MAGI1: variants seen among roughly 807,000 people sequenced by gnomAD.
MAGI1 encodes membrane associated guanylate kinase, WW and PDZ domain containing 1, also known as membrane-associated guanylate kinase, WW and PDZ domain-containing protein 1.
In MAGI1, 58 loss-of-function variants were observed where a neutral mutation model predicts 139.9. The observed-to-expected ratio is 0.41, with a 90% CI of 0.34 to 0.52. The LOEUF is 0.52. Ranked by LOEUF, MAGI1 falls within the 20% of genes least tolerant of loss-of-function variation. The probability of loss-of-function intolerance (pLI) is 0.12; values close to 1 mark genes in which losing one functional copy is unlikely to be tolerated. For synonymous variants in MAGI1, 812 were observed against 737.9 expected (o/e 1.10, Z -1.63); for missense variants, 1,874 against 1,901.6 (o/e 0.99, Z 0.27).
At chr3:65,573,874 AG>A (rs1367944263) in intron 2 of MAGI1, among the ~76,000 whole-genome samples, 1 of 152,122 alleles carries the variant, frequency 6.6e-6, no homozygotes, top group Non-Finnish European at 1.5e-5. Context: ...AAGTTTCATA[AG>A]AACACAGTCA....
chr3:65,744,571 T>C lies in MAGI1; in HGVS notation c.314-122483A>G, dbSNP rs575832287. 8.7e-4 allele frequency among the ~76,000 whole-genome samples: 132 copies of C among 152,338 alleles called. 3 individuals carry two copies. The South Asian group carries it at 0.018, about 20-fold the overall frequency. ...CAAAGGTTCCAATCGTATGGAAACA[T>C]GCTTAAGAAAGAAGACTGAATTAAA... is the stretch of plus-strand genomic sequence containing the variant. On this transcript the variant is annotated intron_variant, in intron 1 of 22. Coordinates refer to ENST00000402939, the MANE Select transcript of MAGI1 (RefSeq NM_001033057.2).
intron 1 of MAGI1, among the ~76,000 whole-genome samples, chr3:65,897,060 A>G (rs2060998687): frequency 1.3e-5 from 2 of 152,208 alleles, no homozygotes; most frequent in Admixed American, 1.3e-4. Context: ...AGTTTAAATC[A>G]TCTCTAGATT....
At position 65,659,251 on chromosome 3, in the gene MAGI1, G is replaced by C. The variant is rs535405628; in HGVS notation, c.314-37163C>G. 2.6e-5 allele frequency among the ~76,000 whole-genome samples: 4 copies of C among 152,196 alleles called. No homozygotes were observed. The South Asian group carries it at 8.3e-4, about 32-fold the overall frequency. On this transcript the variant is annotated intron_variant, in intron 1 of 22. Transcript: ENST00000402939. ...ATGAAAATGAGGCAGGAATAAAACA[G>C]GGTGATCACAGGAGAATGGAAAATT...
chr3:65,500,184 T>C (rs968260774), intron 2 of MAGI1, among the ~76,000 whole-genome samples: 1 of 152,170 alleles, frequency 6.6e-6, no homozygotes, highest in African/African-American at 2.4e-5. Context: ...TTTGAGAAAG[T>C]GGTACTATTT....
intron 1 of MAGI1, among the ~76,000 whole-genome samples, chr3:65,850,311 G>A (rs2059157964): frequency 6.6e-6 from 1 of 152,114 alleles, no homozygotes; most frequent in African/African-American, 2.4e-5. Context: ...ACCACTTTTA[G>A]TATGGAAAAA....
chr3:65,493,301 C>T (rs923988674), intron 3 of MAGI1, among the ~76,000 whole-genome samples: 6 of 152,112 alleles, frequency 3.9e-5, no homozygotes, highest in African/African-American at 1.4e-4. Context: ...AAAAAGAAAA[C>T]TCCTAGAGAA....
chr3:65,416,035 G>C (rs1946191104), intron 12 of MAGI1, among the ~76,000 whole-genome samples: 2 of 152,190 alleles, frequency 1.3e-5, no homozygotes, highest in Admixed American at 1.3e-4. Context: ...TAACTACACA[G>C]AATGCAAGCC....
intron 22 of MAGI1, chr3:65,359,089 T>C (rs750610658): frequency 1.2e-6 from 2 of 1,613,920 alleles, no homozygotes; most frequent in East Asian, 2.2e-5. Flanking sequence ...GCCCATAAGG[T>C]AGAAGCAAGC....
intron 1 of MAGI1, among the ~76,000 whole-genome samples, chr3:65,731,014 T>C (rs943783618): frequency 6.6e-6 from 1 of 152,116 alleles, no homozygotes; most frequent in African/African-American, 2.4e-5. Flanking sequence ...AGAGGCATCT[T>C]CTAGCCCCCA....
At chr3:65,425,261 C>G (rs1224996863) in intron 12 of MAGI1, among the ~76,000 whole-genome samples, 1 of 152,042 alleles carries the variant, frequency 6.6e-6, no homozygotes, top group Non-Finnish European at 1.5e-5. Flanking sequence ...ATGACTACTA[C>G]GTCAGGAATT....
At chr3:65,939,775 G>A (rs2063224204) in intron 1 of MAGI1, among the ~76,000 whole-genome samples, 1 of 152,142 alleles carries the variant, frequency 6.6e-6, no homozygotes, top group Non-Finnish European at 1.5e-5. Flanking sequence ...AGTCTCATGA[G>A]GGTTTGAGTC....
At position 65,354,403 on chromosome 3, in the gene MAGI1, A is replaced by C. The variant is rs900006741; in HGVS notation, c.*1975T>G. The C allele has an allele frequency of 4.6e-5, 7 of 152,782 alleles. No homozygotes were observed. In the East Asian group the frequency reaches 1.4e-3, roughly 29 times the overall value. The allele number at this position is 152,782 out of a possible 1,614,324, so 9.5% of individuals were successfully genotyped here. A position where few individuals can be genotyped will look rare whatever the true frequency, so the allele number is the denominator to read the frequency against. Reference sequence around the variant, plus strand: ...TCATTCTAATGTTATGTATAAACCCATAAGTCAAATAAAGCTATGAACAAT... The same window carrying C: ...TCATTCTAATGTTATGTATAAACCCCTAAGTCAAATAAAGCTATGAACAAT... On this transcript the variant is annotated 3_prime_UTR_variant, in exon 23 of 23. Coordinates refer to ENST00000402939, the MANE Select transcript of MAGI1 (RefSeq NM_001033057.2).
In MAGI1 at chr3:65,402,957, G is replaced by A. The variant is rs147878074; in HGVS notation, c.2168-1487C>T. Among the ~76,000 whole-genome samples, 478 of 152,246 alleles carry A rather than the reference G, an allele frequency of 3.1e-3. 1 individual carries two copies. Among genetic ancestry groups the A allele is most frequent in the African/African-American group, 0.011 (448 of 41,550 alleles). ...AGCCCAGGTCCCACCACTGGGGGCC[G>A]AGGAATCTGCAGTATTAACAAAAAT... is the stretch of plus-strand genomic sequence containing the variant. On this transcript the variant is annotated intron_variant, in intron 12 of 22. Transcript: ENST00000402939.
At chr3:65,361,010 C>T (rs1033971640) in intron 22 of MAGI1, 189 bp downstream of exon 22, 34 of 1,468,646 alleles carry the variant, frequency 2.3e-5, no homozygotes, top group East Asian at 1.5e-4. Context: ...CCCCAGTCCA[C>T]GTAAGCAAGC....
chr3:65,989,425 A>T (rs2066047679), intron 1 of MAGI1, among the ~76,000 whole-genome samples: 1 of 152,242 alleles, frequency 6.6e-6, no homozygotes, highest in Non-Finnish European at 1.5e-5. Flanking sequence ...CATGAGTCTA[A>T]TGTAATGCTA....
intron 1 of MAGI1, among the ~76,000 whole-genome samples, chr3:65,943,796 T>A (rs1037370534): frequency 1.3e-5 from 2 of 152,192 alleles, no homozygotes; most frequent in East Asian, 1.9e-4. Context: ...AGAAGCAGTA[T>A]CACAACATAT....
Position 66,038,173 on chromosome 3 carries a change from C to T in MAGI1, c.136G>A (p.Ala46Thr). ...CCCGCTGCCTCGACCGCCGCCACCG[C>T]TCCGACGTACGGAAACTCCCCGTGC... ...AEHGEFPYVG[A>T]VAAVEAAGLP... is the part of the protein sequence containing the mutation. The change falls in exon 1 of 23, where the codon GCG becomes ACG. Residue 46 changes from alanine (A) to threonine (T), a missense_variant. Ala to Thr is a moderately conservative substitution (Grantham distance 58). Coordinates refer to ENST00000402939, the MANE Select transcript of MAGI1 (RefSeq NM_001033057.2). The T allele has an allele frequency of 3.1e-6, 5 of 1,612,156 alleles. No individual in the cohort carries two copies. Among genetic ancestry groups the T allele is most frequent in the Non-Finnish European group, 4.2e-6 (5 of 1,179,570 alleles).
At chr3:65,921,892 T>C (rs1036901996) in intron 1 of MAGI1, among the ~76,000 whole-genome samples, 1 of 144,314 alleles carries the variant, frequency 6.9e-6, no homozygotes, top group Non-Finnish European at 1.5e-5. Context: ...GGCAACAGAG[T>C]GAGACCCTAT....
At chr3:65,557,959 A>G (rs1203742239) in intron 2 of MAGI1, among the ~76,000 whole-genome samples, 1 of 152,174 alleles carries the variant, frequency 6.6e-6, no homozygotes, top group East Asian at 1.9e-4. Context: ...TTCAATCTGC[A>G]GTATGCCTTC....
Sources: allele counts gnomAD v4.1 joint callset (sites outside exome capture counted in the v4.1 genomes callset), GRCh38; gene constraint gnomAD v4.1.1; transcripts MANE v1.5; gene names NCBI Gene and HGNC (gene_info 2026-07-23, HGNC 2026-07-21).